BCR: variants seen among roughly 807,000 people sequenced by gnomAD.
The protein encoded by BCR is BCR activator of RhoGEF and GTPase, also known as breakpoint cluster region protein.
Under a neutral mutation model 138.6 loss-of-function variants are expected in BCR, and 58 were observed. The ratio of observed to expected loss-of-function variants is 0.42; its 90% CI spans 0.34 to 0.52. BCR has a LOEUF of 0.52. Ranked by LOEUF, BCR falls within the 20% of genes least tolerant of loss-of-function variation. BCR has a pLI of 0.06. For synonymous variants in BCR, 786 were observed against 730.1 expected (o/e 1.08, Z -1.23); for missense variants, 1,599 against 1,727.2 (o/e 0.93, Z 1.32).
At chr22:23,267,352 G>C (rs551995791) in intron 4 of BCR, among the ~76,000 whole-genome samples, 18 of 152,168 alleles carry the variant, frequency 1.2e-4, no homozygotes, top group Non-Finnish European at 2.5e-4. Flanking sequence ...GTGTCTTCCA[G>C]CTGCTACCCT....
intron 1 of BCR, among the ~76,000 whole-genome samples, chr22:23,232,482 C>T (rs991396211): frequency 3.9e-5 from 6 of 152,134 alleles, no homozygotes; most frequent in African/African-American, 1.4e-4. Flanking sequence ...AGAGAGGGTG[C>T]CTGGCTCTTT....
chr22:23,263,238 C>G, intron 4 of BCR: 1 of 1,028,452 alleles, frequency 9.7e-7, no homozygotes, highest in South Asian at 1.5e-5. Flanking sequence ...AGTGCTGCTG[C>G]TGCACATGTG....
chr22:23,293,809 C>T (rs1197517930), intron 15 of BCR, among the ~76,000 whole-genome samples: 1 of 152,126 alleles, frequency 6.6e-6, no homozygotes, highest in Non-Finnish European at 1.5e-5. Flanking sequence ...CACACACACC[C>T]ACCCCCTCCC....
At chr22:23,184,321 G>C (rs113969667) in intron 1 of BCR, among the ~76,000 whole-genome samples, 5 of 152,142 alleles carry the variant, frequency 3.3e-5, no homozygotes, top group African/African-American at 1.2e-4. Flanking sequence ...AAACTCCTGG[G>C]CTCAAGCATT....
At chr22:23,292,962 G>A (rs909979883) in intron 15 of BCR, among the ~76,000 whole-genome samples, 5 of 152,082 alleles carry the variant, frequency 3.3e-5, no homozygotes, top group East Asian at 3.9e-4. Flanking sequence ...GTGTTTTTCC[G>A]CAGAAGTTGG....
chr22:23,225,052 C>T (rs2072873076), intron 1 of BCR, among the ~76,000 whole-genome samples: 1 of 151,282 alleles, frequency 6.6e-6, no homozygotes, highest in Admixed American at 6.6e-5. Flanking sequence ...GGAGGGGTGT[C>T]CAAGCAGGAG....
At position 23,181,583 on chromosome 22, in the gene BCR, T is replaced by C. The variant is rs2146188964; in HGVS notation, c.623T>C (p.Met208Thr). The C allele has an allele frequency of 1.2e-6, 2 of 1,612,810 alleles. No homozygotes were observed. Among genetic ancestry groups the C allele is most frequent in the Admixed American group, 1.7e-5 (1 of 60,032 alleles). The change falls in exon 1 of 23, where the codon ATG becomes ACG. Residue 208 changes from methionine to threonine, a missense_variant. This residue lies in a region of BCR where 806 missense variants were observed against 635.0 expected (regional missense o/e 1.27). Coordinates refer to ENST00000305877, the MANE Select transcript of BCR (RefSeq NM_004327.4). ...ATCAGCTCCCTGGGCAGCCAGGCCATGCAGATGGAGCGCAAAAAGTCCCAG... is the reference window on the plus strand; with the variant it reads ...ATCAGCTCCCTGGGCAGCCAGGCCACGCAGATGGAGCGCAAAAAGTCCCAG... ...DRISSLGSQA[M>T]QMERKKSQHG...
rs552167052 is a variant in BCR, at chr22:23,292,673, A to T, written c.2880+35A>T. 6.2e-4 allele frequency: 954 copies of T among 1,547,856 alleles called. 13 individuals carry two copies. The South Asian group carries it at 1.0e-2, about 16-fold the overall frequency. On this transcript the variant is annotated intron_variant, in intron 15 of 22. Coordinates refer to ENST00000305877, the MANE Select transcript of BCR (RefSeq NM_004327.4). Reference sequence around the variant, plus strand: ...TGATTCCACAAGGGCCCAGCCTGCCAGGTGGGGCACAGGATATTTTCCACT... The same window carrying T: ...TGATTCCACAAGGGCCCAGCCTGCCTGGTGGGGCACAGGATATTTTCCACT...
At chr22:23,284,268 C>T (rs565386358) in intron 9 of BCR, among the ~76,000 whole-genome samples, 170 bp downstream of exon 9, 9 of 152,072 alleles carry the variant, frequency 5.9e-5, no homozygotes, top group African/African-American at 2.2e-4. Context: ...AATCTGGAGA[C>T]GTCATGGGGC....
intron 8 of BCR, among the ~76,000 whole-genome samples, chr22:23,282,059 C>CG (rs1219212379): frequency 6.6e-6 from 1 of 152,194 alleles, no homozygotes; most frequent in Non-Finnish European, 1.5e-5. Context: ...CATCCAGCCC[C>CG]GCCACTGCCC....
rs533626260 is a variant in BCR, at chr22:23,266,378, C to T, written c.1753-2030C>T. ...TACTGGGATTATAGGCATGAGCCAC[C>T]GCACCCTGCCTTTTTTTTTTTCCCT... is the stretch of plus-strand genomic sequence containing the variant. On this transcript the variant is annotated intron_variant, in intron 4 of 22. Coordinates refer to ENST00000305877, the MANE Select transcript of BCR (RefSeq NM_004327.4). 9.2e-5 allele frequency among the ~76,000 whole-genome samples: 14 copies of T among 151,684 alleles called. No homozygotes were observed. The East Asian group carries it at 2.5e-3, about 27-fold the overall frequency.
chr22:23,268,579 G>A (rs2073472952), intron 5 of BCR, 64 bp downstream of exon 5: 12 of 1,316,954 alleles, frequency 9.1e-6, no homozygotes, highest in East Asian at 4.8e-5. Context: ...TCCACCTCCC[G>A]AGGAGAACAG....
At chr22:23,291,516 T>C (rs1293721432) in intron 14 of BCR, among the ~76,000 whole-genome samples, 1 of 152,074 alleles carries the variant, frequency 6.6e-6, no homozygotes. Flanking sequence ...GTTTCCCTCG[T>C]GGGCCTCCCT....
At chr22:23,250,207 T>C (rs1602063258) in intron 1 of BCR, among the ~76,000 whole-genome samples, 1 of 152,152 alleles carries the variant, frequency 6.6e-6, no homozygotes, top group East Asian at 1.9e-4. Flanking sequence ...GCTGACTCCC[T>C]ACTCGGTGTT....
At position 23,226,317 on chromosome 22, in the gene BCR, AGAGAGAGAGAGT is replaced by A. The variant is rs1015876366; in HGVS notation, c.1280-27480_1280-27469del. Among the ~76,000 whole-genome samples, 55 of 120,976 alleles carry A rather than the reference AGAGAGAGAGAGT, an allele frequency of 4.5e-4. 2 individuals are homozygous for A. In the East Asian group the frequency reaches 6.0e-3, roughly 13 times the overall value. 79.4% of individuals were successfully genotyped at this position (120,976 alleles called of 152,430 possible). A position where few individuals can be genotyped will look rare whatever the true frequency, so the allele number is the denominator to read the frequency against. ...GGCATTAAGTGTATGAGAGAGAGAG[AGAGAGAGAGAGT>A]GTGTGTGTGTGTGTGTGTGTGTGTG... On this transcript the variant is annotated intron_variant, in intron 1 of 22. Coordinates refer to ENST00000305877, the MANE Select transcript of BCR (RefSeq NM_004327.4).
At chr22:23,292,334 A>G (rs1414996674) in intron 14 of BCR, among the ~76,000 whole-genome samples, 2 of 152,378 alleles carry the variant, frequency 1.3e-5, no homozygotes, top group Middle Eastern at 3.4e-3. Context: ...CACCCAGGGA[A>G]ATTCCACAGA....
Position 23,273,543 on chromosome 22 carries a change from G to T in BCR, c.1975-91G>T, listed in dbSNP as rs2073534375. ...GACACTGAGGGAGCCGGCGCTCTGG[G>T]CTCCGTCCACACTTTGTGTCTGCAC... On this transcript the variant is annotated intron_variant, in intron 7 of 22. Transcript: ENST00000305877. 5.1e-6 allele frequency: 8 copies of T among 1,558,474 alleles called. No homozygotes were observed. The South Asian group carries it at 6.9e-5, about 13-fold the overall frequency.
chr22:23,180,802 A>T lies in BCR; in HGVS notation c.-159A>T. ...CGCGCCGAGCGCCCCGCTCCGCCTCACCTGCCACCAGGGAGTGGGCGGGCA... is the reference window on the plus strand; with the variant it reads ...CGCGCCGAGCGCCCCGCTCCGCCTCTCCTGCCACCAGGGAGTGGGCGGGCA... On this transcript the variant is annotated 5_prime_UTR_variant, in exon 1 of 23. Transcript: ENST00000305877. The T allele has an allele frequency of 4.1e-6, 1 of 245,022 alleles. No homozygotes were observed. The highest frequency in any genetic ancestry group is 6.4e-6 in the Non-Finnish European group (1 of 157,380). The allele number at this position is 245,022 out of a possible 1,614,324, so 15.2% of individuals were successfully genotyped here.
chr22:23,278,906 G>A (rs1212547364), intron 8 of BCR, among the ~76,000 whole-genome samples: 1 of 152,190 alleles, frequency 6.6e-6, no homozygotes, highest in Non-Finnish European at 1.5e-5. Context: ...TGCCCATGTC[G>A]AGGGCTGGGC....
Sources: allele counts gnomAD v4.1 joint callset (sites outside exome capture counted in the v4.1 genomes callset), GRCh38; gene constraint gnomAD v4.1.1; regional missense constraint gnomAD v4.1.1; transcripts MANE v1.5; gene names NCBI Gene and HGNC (gene_info 2026-07-23, HGNC 2026-07-21).